DLGAP2: variants seen among roughly 807,000 people sequenced by gnomAD.
The protein encoded by DLGAP2 is DLG associated protein 2.
In DLGAP2, 26 loss-of-function variants were observed where a neutral mutation model predicts 100.3. The observed-to-expected ratio is 0.26, with a 90% CI of 0.19 to 0.36. DLGAP2 has a LOEUF of 0.36. Ranked by LOEUF, DLGAP2 falls within the 10% of genes least tolerant of loss-of-function variation. The pLI is 1.00. For missense variants in DLGAP2, 1,858 were observed against 1,453.2 expected (o/e 1.28, Z -4.53); for synonymous variants, 886 against 630.1 (o/e 1.41, Z -6.08).
chr8:802,144 ATGGTC>A (rs1796177007), intron 1 of DLGAP2, among the ~76,000 whole-genome samples: 1 of 146,524 alleles, frequency 6.8e-6, no homozygotes, highest in East Asian at 2.3e-4. Flanking sequence ...GGCCTGGGGA[ATGGTC>A]CGCACTCCTC....
chr8:1,288,223 G>C (rs1799984569), intron 3 of DLGAP2, among the ~76,000 whole-genome samples: 1 of 138,392 alleles, frequency 7.2e-6, no homozygotes, highest in Admixed American at 7.3e-5. Context: ...GTGTGGTTAG[G>C]AGGGGAACTA....
chr8:1,371,345 G>T (rs988524891), intron 3 of DLGAP2, among the ~76,000 whole-genome samples: 6 of 152,192 alleles, frequency 3.9e-5, no homozygotes, highest in African/African-American at 1.2e-4. Flanking sequence ...TATCCTCGTG[G>T]ATGGCATTTG....
At chr8:1,565,502 C>T (rs770855851) in intron 5 of DLGAP2, 181 bp from the exon 6 acceptor site, 3 of 563,848 alleles carry the variant, frequency 5.3e-6, no homozygotes, top group Admixed American at 3.6e-5. Context: ...GAAGAAAAAC[C>T]AACATTTTTA....
intron 1 of DLGAP2, among the ~76,000 whole-genome samples, chr8:757,815 G>A (rs757062891): frequency 3.3e-4 from 51 of 152,354 alleles, no homozygotes; most frequent in Non-Finnish European, 6.6e-4. Context: ...AAGTCACTGT[G>A]TAATCAAAGA....
intron 3 of DLGAP2, among the ~76,000 whole-genome samples, chr8:1,277,594 C>T (rs1321522797): frequency 6.6e-6 from 1 of 152,154 alleles, no homozygotes; most frequent in African/African-American, 2.4e-5. Flanking sequence ...CCAGTATCAG[C>T]CAGGTAGGTC....
chr8:990,263 C>T (rs143286918), intron 2 of DLGAP2, among the ~76,000 whole-genome samples: 74 of 151,986 alleles, frequency 4.9e-4, no homozygotes, highest in African/African-American at 1.4e-3. Flanking sequence ...CCAAGTCCTG[C>T]GCTGCATGGG....
chr8:1,319,530 T>C (rs1183534216), intron 3 of DLGAP2, among the ~76,000 whole-genome samples: 1 of 152,156 alleles, frequency 6.6e-6, no homozygotes, highest in Non-Finnish European at 1.5e-5. Context: ...ATTATGGGAA[T>C]ACAGCATGAG....
chr8:1,384,416 C>T (rs1422204848), intron 3 of DLGAP2, among the ~76,000 whole-genome samples: 2 of 93,128 alleles, frequency 2.1e-5, no homozygotes, highest in African/African-American at 3.9e-5. Flanking sequence ...TCAGTTACCC[C>T]GGCCTGTGCC....
intron 3 of DLGAP2, among the ~76,000 whole-genome samples, chr8:1,474,464 C>T (rs1003540236): frequency 3.3e-5 from 5 of 152,182 alleles, no homozygotes; most frequent in African/African-American, 4.8e-5. Context: ...CACTGTTTTC[C>T]ATAGTGGTTG....
chr8:1,445,292 A>G (rs1431962541), intron 3 of DLGAP2, among the ~76,000 whole-genome samples: 2 of 128,486 alleles, frequency 1.6e-5, no homozygotes, highest in African/African-American at 6.0e-5. Flanking sequence ...TCTGTGTCCA[A>G]GTCTTCTAAT....
chr8:1,229,813 C>G (rs1255287848), intron 2 of DLGAP2, among the ~76,000 whole-genome samples: 1 of 152,220 alleles, frequency 6.6e-6, no homozygotes, highest in Admixed American at 6.5e-5. Flanking sequence ...TAGATAAAAT[C>G]CAACACCCTT....
chr8:1,057,021 T>A lies in DLGAP2; in HGVS notation c.73+149055T>A, dbSNP rs1408740003. Among the ~76,000 whole-genome samples the A allele has an allele frequency of 2.0e-5, 3 of 152,214 alleles. No individual in the cohort carries two copies. The East Asian group carries it at 5.8e-4, about 29-fold the overall frequency. On this transcript the variant is annotated intron_variant, in intron 2 of 14. Transcript: ENST00000637795. ...AGTTTTCGTTAACCCCAAGAACTCA[T>A]GGACCCACCAGAATAATCCACACCC...
chr8:1,215,074 A>G (rs1470028269), intron 2 of DLGAP2, among the ~76,000 whole-genome samples: 4 of 152,220 alleles, frequency 2.6e-5, no homozygotes, highest in Non-Finnish European at 5.9e-5. Flanking sequence ...AACGTCATCC[A>G]TGCAGGAAAC....
intron 1 of DLGAP2, among the ~76,000 whole-genome samples, chr8:832,861 G>T (rs1796807059): frequency 6.6e-6 from 1 of 152,230 alleles, no homozygotes; most frequent in Non-Finnish European, 1.5e-5. Context: ...TAGGAGGAGA[G>T]AGATGGCACG....
At chr8:1,599,757 C>G (rs556869085) in intron 6 of DLGAP2, among the ~76,000 whole-genome samples, 1 of 152,198 alleles carries the variant, frequency 6.6e-6, no homozygotes, top group South Asian at 2.1e-4. Flanking sequence ...TATTTTGAGC[C>G]TATGTGTGTC....
chr8:1,116,625 A>C (rs183483961), intron 2 of DLGAP2, among the ~76,000 whole-genome samples: 4 of 152,074 alleles, frequency 2.6e-5, no homozygotes, highest in Non-Finnish European at 5.9e-5. Context: ...GCAAAACCCC[A>C]TCTCTACAAA....
intron 3 of DLGAP2, among the ~76,000 whole-genome samples, chr8:1,286,412 G>C (rs1799922273): frequency 6.6e-6 from 1 of 152,218 alleles, no homozygotes; most frequent in Non-Finnish European, 1.5e-5. Context: ...GAAATGCAAA[G>C]AGAATGAAGG....
At chr8:1,413,026 A>C (rs750570681) in intron 3 of DLGAP2, among the ~76,000 whole-genome samples, 1 of 152,106 alleles carries the variant, frequency 6.6e-6, no homozygotes. Flanking sequence ...TACCCAGCTC[A>C]AGTGTCCCCT....
chr8:864,438 T>C (rs573089798), intron 1 of DLGAP2, among the ~76,000 whole-genome samples: 1 of 152,344 alleles, frequency 6.6e-6, no homozygotes, highest in African/African-American at 2.4e-5. Flanking sequence ...AACATCTCAC[T>C]GTGCCCCATG....
Sources: allele counts gnomAD v4.1 joint callset (sites outside exome capture counted in the v4.1 genomes callset), GRCh38; gene constraint gnomAD v4.1.1; transcripts MANE v1.5; gene names NCBI Gene and HGNC (gene_info 2026-07-23, HGNC 2026-07-21).